The following THRB variants were observed in gnomAD, a reference collection of about 807,000 sequenced individuals.
The protein encoded by THRB is nuclear receptor subfamily 1 group A member 2.
THRB carries 12 observed loss-of-function variants against 47.8 expected under a neutral mutation model. The ratio of observed to expected loss-of-function variants is 0.25; its 90% CI spans 0.16 to 0.41. The LOEUF (loss-of-function observed/expected upper bound fraction) is 0.41, where lower values mean the gene tolerates loss of function less well. Ranked by LOEUF, THRB falls within the 10% of genes least tolerant of loss-of-function variation. THRB has a pLI of 1.00. For synonymous variants in THRB, 218 were observed against 212.2 expected, an observed-to-expected ratio of 1.03 and a Z score of -0.24; for missense variants, 348 against 589.2, an observed-to-expected ratio of 0.59 and a Z score of 4.24.
chr3:24,410,844 C>T (rs1011052345), intron 1 of THRB, among the ~76,000 whole-genome samples: 14 of 151,800 alleles, frequency 9.2e-5, no homozygotes, highest in Admixed American at 6.6e-4. Context: ...AAGTCTTTGC[C>T]TGAATGATCT....
intron 5 of THRB, among the ~76,000 whole-genome samples, chr3:24,169,173 GA>G (rs1280249662): frequency 6.6e-6 from 1 of 152,104 alleles, no homozygotes; most frequent in Non-Finnish European, 1.5e-5. Flanking sequence ...TGGCCCCTGA[GA>G]AAAAAACTAT....
chr3:24,479,595 C>T (rs554234344), intron 1 of THRB, among the ~76,000 whole-genome samples: 1 of 152,272 alleles, frequency 6.6e-6, no homozygotes, highest in South Asian at 2.1e-4. Context: ...GGAGATCTGG[C>T]TGTGACTCCT....
At chr3:24,483,907 T>C (rs1365716533) in intron 1 of THRB, 1 of 152,224 alleles carries the variant, frequency 6.6e-6, no homozygotes, top group East Asian at 1.9e-4. Flanking sequence ...GTAGGGGACA[T>C]GCGATTTGTT....
At chr3:24,173,812 C>T (rs138521966) in intron 5 of THRB, among the ~76,000 whole-genome samples, 1 of 152,302 alleles carries the variant, frequency 6.6e-6, no homozygotes, top group African/African-American at 2.4e-5. Flanking sequence ...ACAGCTTCAG[C>T]TATTGCCCGT....
At chr3:24,162,747 G>A (rs1379589534) in intron 5 of THRB, among the ~76,000 whole-genome samples, 2 of 149,448 alleles carry the variant, frequency 1.3e-5, no homozygotes, top group Non-Finnish European at 3.0e-5. Flanking sequence ...TTATTCTAAA[G>A]TCTACCAATT....
chr3:24,300,257 A>T (rs746190290), intron 2 of THRB, among the ~76,000 whole-genome samples: 2 of 152,100 alleles, frequency 1.3e-5, no homozygotes, highest in Non-Finnish European at 2.9e-5. Context: ...AGGTGTTGCG[A>T]CTCAAAAGAA....
chr3:24,284,557 C>T (rs984920619), intron 3 of THRB, among the ~76,000 whole-genome samples: 9 of 151,564 alleles, frequency 5.9e-5, no homozygotes, highest in African/African-American at 2.2e-4. Context: ...AAAGCAATGT[C>T]AACAAAAGCC....
chr3:24,131,184 A>G (rs1427963331), intron 9 of THRB, among the ~76,000 whole-genome samples: 3 of 152,224 alleles, frequency 2.0e-5, no homozygotes, highest in African/African-American at 7.2e-5. Context: ...TTTATACTTC[A>G]TATATATGTA....
chr3:24,305,119 A>G (rs1025798023), intron 2 of THRB, among the ~76,000 whole-genome samples: 5 of 152,218 alleles, frequency 3.3e-5, no homozygotes, highest in Admixed American at 3.3e-4. Flanking sequence ...GAAAAAGACG[A>G]AAACCTCCTG....
intron 2 of THRB, among the ~76,000 whole-genome samples, 178 bp downstream of exon 2, chr3:24,337,122 G>T (rs940136222): frequency 6.6e-6 from 1 of 152,014 alleles, no homozygotes; most frequent in Non-Finnish European, 1.5e-5. Flanking sequence ...TTGCTTTTCT[G>T]TTATGTTTTT....
At chr3:24,284,428 A>G (rs2055008087) in intron 3 of THRB, among the ~76,000 whole-genome samples, 1 of 151,272 alleles carries the variant, frequency 6.6e-6, no homozygotes, top group South Asian at 2.1e-4. Context: ...ACAAAAATCA[A>G]TTCAAGATGG....
chr3:24,411,083 G>T (rs1447910440), intron 1 of THRB, among the ~76,000 whole-genome samples: 3 of 151,764 alleles, frequency 2.0e-5, no homozygotes, highest in Admixed American at 1.3e-4. Context: ...AGTGCAGTCT[G>T]CTGCTGTGAA....
chr3:24,326,093 A>G (rs543339641), intron 2 of THRB, among the ~76,000 whole-genome samples: 1 of 152,164 alleles, frequency 6.6e-6, no homozygotes, highest in Non-Finnish European at 1.5e-5. Context: ...GCTCTTCTTA[A>G]TATCTTGAAT....
intron 1 of THRB, among the ~76,000 whole-genome samples, chr3:24,489,420 C>T (rs1014474448): frequency 6.6e-6 from 1 of 152,148 alleles, no homozygotes; most frequent in African/African-American, 2.4e-5. Context: ...TTTAATGTGT[C>T]TGAGCAAGGG....
intron 4 of THRB, among the ~76,000 whole-genome samples, chr3:24,228,624 C>T (rs577970575): frequency 1.5e-5 from 2 of 131,024 alleles, no homozygotes; most frequent in Non-Finnish European, 3.2e-5. Context: ...CAGAGCAAGA[C>T]CATGTCTCAA....
intron 1 of THRB, among the ~76,000 whole-genome samples, chr3:24,388,471 C>A (rs938222178): frequency 1.3e-5 from 2 of 152,174 alleles, no homozygotes; most frequent in Admixed American, 1.3e-4. Context: ...TTTAAGACAG[C>A]ACACATCATA....
At chr3:24,374,628 G>A (rs1038255003) in intron 1 of THRB, among the ~76,000 whole-genome samples, 1 of 151,990 alleles carries the variant, frequency 6.6e-6, no homozygotes, top group Non-Finnish European at 1.5e-5. Flanking sequence ...TGGAATCAAG[G>A]TTGGAAAACT....
intron 1 of THRB, among the ~76,000 whole-genome samples, chr3:24,436,353 A>AAGG (rs1344416162): frequency 3.3e-5 from 5 of 152,180 alleles, no homozygotes; most frequent in Non-Finnish European, 7.4e-5. Flanking sequence ...AGTCTCAGAA[A>AAGG]AGGATGACCC....
chr3:24,487,253 T>C (rs1164059185), intron 1 of THRB, among the ~76,000 whole-genome samples: 2 of 152,072 alleles, frequency 1.3e-5, no homozygotes, highest in African/African-American at 2.4e-5. Flanking sequence ...TTAAAACATA[T>C]GAGCCTGATT....
Sources: allele counts gnomAD v4.1 joint callset (sites outside exome capture counted in the v4.1 genomes callset), GRCh38; gene constraint gnomAD v4.1.1; transcripts MANE v1.5; gene names NCBI Gene and HGNC (gene_info 2026-07-23, HGNC 2026-07-21).